Variants in FBXO25 observed in about 807,000 individuals in gnomAD.
FBXO25 encodes the protein F-box only protein 25.
A neutral mutation model predicts 51.9 loss-of-function variants in FBXO25; 45 were observed. The ratio of observed to expected loss-of-function variants is 0.87; its 90% CI spans 0.68 to 1.11. The LOEUF (loss-of-function observed/expected upper bound fraction) is 1.11. Among genes scored for constraint, FBXO25 ranks in the 50% most tolerant of loss-of-function variants. The probability of loss-of-function intolerance (pLI) is 0.00; values close to 1 mark genes in which losing one functional copy is unlikely to be tolerated. For synonymous variants in FBXO25, 199 were observed against 151.0 expected, an observed-to-expected ratio of 1.32 and a Z score of -2.33; for missense variants, 507 against 428.5, an observed-to-expected ratio of 1.18 and a Z score of -1.62.
rs571421041 is a variant in FBXO25, at chr8:440,728, C to A, written c.381+5021C>A. Among the ~76,000 whole-genome samples the A allele has an allele frequency of 5.3e-5, 8 of 152,206 alleles. No individual in the cohort carries two copies. The South Asian group carries it at 1.7e-3, about 32-fold the overall frequency. ...CATTAGGTATTTCTCCTAATGCTAT[C>A]TGTCCCCTAGCCCCCCACCCCCCGA... On this transcript the variant is annotated intron_variant, in intron 5 of 9. Transcript: ENST00000350302.
chr8:417,511 C>G (rs1796881549), intron 2 of FBXO25, among the ~76,000 whole-genome samples: 1 of 152,166 alleles, frequency 6.6e-6, no homozygotes, highest in Non-Finnish European at 1.5e-5. Context: ...GAGACTAAGA[C>G]TTTGGCCTGA....
chr8:452,145 T>G (rs938865487), intron 7 of FBXO25, among the ~76,000 whole-genome samples: 16 of 152,196 alleles, frequency 1.1e-4, no homozygotes, highest in African/African-American at 3.9e-4. Flanking sequence ...GCACCCCAGT[T>G]TTCACATAAA....
At chr8:417,990 AG>A (rs1296815762) in intron 2 of FBXO25, among the ~76,000 whole-genome samples, 2 of 152,194 alleles carry the variant, frequency 1.3e-5, no homozygotes, top group Admixed American at 6.5e-5. Flanking sequence ...ATTTTGTACC[AG>A]TTTATACTCT....
chr8:451,516 C>T, intron 7 of FBXO25, 63 bp downstream of exon 7: 3 of 1,457,264 alleles, frequency 2.1e-6, no homozygotes, highest in South Asian at 1.3e-5. Context: ...GTTATCTTTT[C>T]TAAGCATACA....
chr8:452,295 G>A (rs1383081990), intron 7 of FBXO25, among the ~76,000 whole-genome samples: 1 of 152,240 alleles, frequency 6.6e-6, no homozygotes, highest in Admixed American at 6.5e-5. Context: ...TTCAGCGTCA[G>A]TAAGAGTTAA....
At chr8:417,467 GAAT>G (rs1391418367) in intron 2 of FBXO25, among the ~76,000 whole-genome samples, 1 of 152,238 alleles carries the variant, frequency 6.6e-6, no homozygotes, top group Non-Finnish European at 1.5e-5. Context: ...CTGACACATG[GAAT>G]GTGTATGGTG....
chr8:461,660 G>A (rs1469969237), intron 8 of FBXO25, among the ~76,000 whole-genome samples: 1 of 151,986 alleles, frequency 6.6e-6, no homozygotes, highest in African/African-American at 2.4e-5. Flanking sequence ...AACAAAACAT[G>A]CCCTTCAGCT....
chr8:465,617 T>C (rs1331705983), intron 9 of FBXO25, among the ~76,000 whole-genome samples: 1 of 152,212 alleles, frequency 6.6e-6, no homozygotes, highest in Non-Finnish European at 1.5e-5. Flanking sequence ...TTGAAGTGTT[T>C]CAGATTTCAG....
At chr8:442,300 T>A (rs1798473008) in intron 5 of FBXO25, among the ~76,000 whole-genome samples, 2 of 150,260 alleles carry the variant, frequency 1.3e-5, no homozygotes, top group Non-Finnish European at 3.0e-5. Flanking sequence ...TTTTTTTTTT[T>A]ACCACAGTTA....
At chr8:422,166 T>C (rs2117515815) in intron 2 of FBXO25, among the ~76,000 whole-genome samples, 1 of 152,282 alleles carries the variant, frequency 6.6e-6, no homozygotes, top group East Asian at 1.9e-4. Flanking sequence ...CCCAAATAGC[T>C]ATTCATTACA....
chr8:426,481 C>G (rs573577640), intron 2 of FBXO25, among the ~76,000 whole-genome samples: 7 of 152,050 alleles, frequency 4.6e-5, no homozygotes, highest in African/African-American at 1.7e-4. Context: ...GAACTGAAAG[C>G]CATGTTAATA....
At chr8:419,888 A>T (rs1255230469) in intron 2 of FBXO25, among the ~76,000 whole-genome samples, 1 of 152,212 alleles carries the variant, frequency 6.6e-6, no homozygotes, top group African/African-American at 2.4e-5. Flanking sequence ...GTTAGTATCC[A>T]GAATAATAAA....
chr8:463,309 A>T (rs1799939187), intron 9 of FBXO25, among the ~76,000 whole-genome samples, 159 bp downstream of exon 9: 1 of 152,254 alleles, frequency 6.6e-6, no homozygotes, highest in African/African-American at 2.4e-5. Flanking sequence ...AGGGGAACAG[A>T]TGTTCATTCA....
At chr8:444,998 A>G (rs930118006) in intron 5 of FBXO25, among the ~76,000 whole-genome samples, 4 of 152,358 alleles carry the variant, frequency 2.6e-5, no homozygotes, top group Admixed American at 6.5e-5. Context: ...GTTTTTAACA[A>G]ATGTTCATTA....
At chr8:424,110 C>T (rs1210852873) in intron 2 of FBXO25, among the ~76,000 whole-genome samples, 2 of 145,672 alleles carry the variant, frequency 1.4e-5, no homozygotes, top group Non-Finnish European at 3.0e-5. Flanking sequence ...TGTTCATGTC[C>T]TTTGCCCATT....
intron 7 of FBXO25, among the ~76,000 whole-genome samples, chr8:457,469 A>G (rs938029875): frequency 1.3e-5 from 2 of 152,264 alleles, no homozygotes; most frequent in South Asian, 4.1e-4. Flanking sequence ...GATGCATTGC[A>G]TTTACTCTCT....
chr8:458,829 G>A (rs1340086630), intron 8 of FBXO25, among the ~76,000 whole-genome samples: 1 of 152,206 alleles, frequency 6.6e-6, no homozygotes, highest in African/African-American at 2.4e-5. Flanking sequence ...ATAACGAGGT[G>A]CATAGAGTCC....
intron 8 of FBXO25, among the ~76,000 whole-genome samples, chr8:460,522 A>T (rs1226861394): frequency 2.6e-5 from 4 of 152,210 alleles, no homozygotes; most frequent in African/African-American, 9.6e-5. Context: ...TCAAAGTAAA[A>T]ACTAGATACC....
chr8:462,467 G>C (rs1324124855), intron 8 of FBXO25, among the ~76,000 whole-genome samples: 1 of 152,130 alleles, frequency 6.6e-6, no homozygotes, highest in East Asian at 1.9e-4. Context: ...ATTTAAGTCT[G>C]TTTAACAGCT....
Sources: allele counts gnomAD v4.1 joint callset (sites outside exome capture counted in the v4.1 genomes callset), GRCh38; gene constraint gnomAD v4.1.1; transcripts MANE v1.5; gene names NCBI Gene and HGNC (gene_info 2026-07-23, HGNC 2026-07-21).